Variants in NMT2 observed in about 807,000 individuals in gnomAD.
NMT2 encodes glycylpeptide N-tetradecanoyltransferase 2.
A neutral mutation model predicts 65.4 loss-of-function variants in NMT2; 35 were observed. The observed-to-expected ratio is 0.54, with a 90% CI of 0.41 to 0.71. The LOEUF (loss-of-function observed/expected upper bound fraction) is 0.71, where lower values mean the gene tolerates loss of function less well. Among genes scored for constraint, NMT2 ranks in the 30% least tolerant of loss-of-function variants. The pLI, the probability that NMT2 is intolerant of heterozygous loss-of-function variation, is 0.00. For missense variants in NMT2, 489 were observed against 611.3 expected (o/e 0.80, Z 2.11); for synonymous variants, 226 against 231.8 (o/e 0.98, Z 0.23).
intron 1 of NMT2, among the ~76,000 whole-genome samples, chr10:15,163,305 C>A (rs1196377324): frequency 2.0e-5 from 3 of 152,148 alleles, no homozygotes; most frequent in Non-Finnish European, 4.4e-5. Context: ...TGGAGTAGAA[C>A]TTGGTTCTGT....
chr10:15,135,247 A>G, intron 3 of NMT2, 27 bp downstream of exon 3: 1 of 1,612,488 alleles, frequency 6.2e-7, no homozygotes, highest in Non-Finnish European at 8.5e-7. Context: ...TTTGTGGGGA[A>G]AAAAAGAGAA....
At chr10:15,151,205 T>C (rs1394334168) in intron 1 of NMT2, among the ~76,000 whole-genome samples, 1 of 152,062 alleles carries the variant, frequency 6.6e-6, no homozygotes, top group African/African-American at 2.4e-5. Flanking sequence ...ATTACAGGCA[T>C]GCGCCACCAT....
At position 15,107,999 on chromosome 10, in the gene NMT2, A is replaced by G. The variant is rs1564553596; in HGVS notation, c.*1196T>C. On this transcript the variant is annotated 3_prime_UTR_variant, in exon 12 of 12. Transcript: ENST00000378165. ...AAATCAGCATAGAGGAGTATGTGCA[A>G]TTTTGCATAAGTAATAAAAACATTC... The G allele has an allele frequency of 1.0e-6, 1 of 985,680 alleles. No homozygotes were observed. Among genetic ancestry groups the G allele is most frequent in the Non-Finnish European group, 1.2e-6 (1 of 829,922 alleles). 61.1% of individuals were successfully genotyped at this position (985,680 alleles called of 1,614,324 possible). A position where few individuals can be genotyped will look rare whatever the true frequency, so the allele number is the denominator to read the frequency against.
At position 15,139,876 on chromosome 10, in the gene NMT2, T is replaced by C. The variant is rs1397955840; in HGVS notation, c.246+1546A>G. 7.3e-3 allele frequency: 471 copies of C among 64,102 alleles called. 7 individuals carry two copies. The highest frequency in any genetic ancestry group is 0.062 in the African/African-American group (440 of 7,062). 4.0% of individuals were successfully genotyped at this position (64,102 alleles called of 1,614,324 possible). A position where few individuals can be genotyped will look rare whatever the true frequency, so the allele number is the denominator to read the frequency against. ...TGGTAACAACTACTATATATATATA[T>C]ATATATATATATATATATATATATA... On this transcript the variant is annotated intron_variant, in intron 2 of 11. Transcript: ENST00000378165.
intron 8 of NMT2, among the ~76,000 whole-genome samples, chr10:15,119,972 C>G (rs1845870610): frequency 6.6e-6 from 1 of 152,204 alleles, no homozygotes; most frequent in Non-Finnish European, 1.5e-5. Flanking sequence ...TCCGTATCCA[C>G]TGGTTGTGCA....
chr10:15,125,707 G>T (rs538145322), intron 8 of NMT2, among the ~76,000 whole-genome samples: 9 of 152,152 alleles, frequency 5.9e-5, no homozygotes, highest in Admixed American at 4.6e-4. Flanking sequence ...TCGCTCTGTG[G>T]CCAGGCTGGA....
chr10:15,133,672 C>A (rs953809137), intron 3 of NMT2, among the ~76,000 whole-genome samples: 3 of 152,162 alleles, frequency 2.0e-5, no homozygotes, highest in Admixed American at 2.0e-4. Flanking sequence ...CTGAAGCCTT[C>A]AACTCCTGGG....
chr10:15,158,189 G>A (rs1440710631), intron 1 of NMT2, among the ~76,000 whole-genome samples: 1 of 151,892 alleles, frequency 6.6e-6, no homozygotes, highest in Non-Finnish European at 1.5e-5. Context: ...GGTGGCAGGC[G>A]CCTGTAATCC....
At chr10:15,168,464 C>T in intron 1 of NMT2, 39 bp downstream of exon 1, 1 of 1,501,874 alleles carries the variant, frequency 6.7e-7, no homozygotes. Context: ...GCGCGGTCCC[C>T]GCCCTGTCGC....
intron 1 of NMT2, among the ~76,000 whole-genome samples, chr10:15,145,553 T>C (rs1464033976): frequency 6.6e-6 from 1 of 152,148 alleles, no homozygotes; most frequent in Non-Finnish European, 1.5e-5. Flanking sequence ...CTAATTTTTA[T>C]ATTTTTAGTA....
intron 10 of NMT2, among the ~76,000 whole-genome samples, chr10:15,110,959 TTC>T (rs1255839992): frequency 2.0e-5 from 3 of 151,824 alleles, no homozygotes; most frequent in Non-Finnish European, 4.4e-5. Flanking sequence ...CCCAGCTAAT[TTC>T]TTTGTATTTT....
At chr10:15,132,174 C>T (rs150968323) in intron 6 of NMT2, among the ~76,000 whole-genome samples, 102 of 151,850 alleles carry the variant, frequency 6.7e-4, no homozygotes, top group African/African-American at 2.3e-3. Context: ...GCCAAGGCTT[C>T]GTTTTTTCTG....
chr10:15,111,637 C>G (rs1007587808), intron 10 of NMT2: 3 of 148,342 alleles, frequency 2.0e-5, no homozygotes, highest in African/African-American at 7.4e-5. Flanking sequence ...GACAATAATA[C>G]TATGCAAAAT....
At position 15,107,285 on chromosome 10, in the gene NMT2, G is replaced by T; in HGVS notation, c.*1910C>A. On this transcript the variant is annotated 3_prime_UTR_variant, in exon 12 of 12. Transcript: ENST00000378165. Reference sequence around the variant, plus strand: ...TAGCCTGTGGGCTACACAAAAATAAGCAATGGGCTGGATTTAGCCCACAGG... The same window carrying T: ...TAGCCTGTGGGCTACACAAAAATAATCAATGGGCTGGATTTAGCCCACAGG... The T allele has an allele frequency of 1.1e-6, 1 of 915,584 alleles. No individual in the cohort carries two copies. The highest frequency in any genetic ancestry group is 1.3e-6 in the Non-Finnish European group (1 of 766,350). The allele number at this position is 915,584 out of a possible 1,614,324, so 56.7% of individuals were successfully genotyped here. A position where few individuals can be genotyped will look rare whatever the true frequency, so the allele number is the denominator to read the frequency against.
At position 15,107,627 on chromosome 10, in the gene NMT2, G is replaced by T; in HGVS notation, c.*1568C>A. 1 of 471,906 alleles carries T rather than the reference G, an allele frequency of 2.1e-6. No individual in the cohort carries two copies. The highest frequency in any genetic ancestry group is 2.8e-6 in the Non-Finnish European group (1 of 361,372). The allele number at this position is 471,906 out of a possible 1,614,324, so 29.2% of individuals were successfully genotyped here. ...CCACCACACCCAGCTAGTTCTTTTT[G>T]AATTTTTAGTAGAGATGGGGTTTCA... is the stretch of plus-strand genomic sequence containing the variant. On this transcript the variant is annotated 3_prime_UTR_variant, in exon 12 of 12. Transcript: ENST00000378165.
At chr10:15,153,736 G>A (rs1214898240) in intron 1 of NMT2, among the ~76,000 whole-genome samples, 1 of 151,672 alleles carries the variant, frequency 6.6e-6, no homozygotes, top group African/African-American at 2.4e-5. Flanking sequence ...TGCAAGCTCC[G>A]CCTCCCAGGT....
At chr10:15,126,326 G>T (rs1846072896) in intron 8 of NMT2, among the ~76,000 whole-genome samples, 1 of 151,926 alleles carries the variant, frequency 6.6e-6, no homozygotes, top group Non-Finnish European at 1.5e-5. Flanking sequence ...CTACTTGGGA[G>T]GCTGAGGCAG....
intron 1 of NMT2, 25 bp downstream of exon 1, chr10:15,168,478 C>G (rs1231671699): frequency 2.6e-6 from 4 of 1,550,646 alleles, no homozygotes; most frequent in African/African-American, 1.4e-5. Context: ...CTGTCGCGCC[C>G]GGTGCGCCAG....
intron 1 of NMT2, among the ~76,000 whole-genome samples, chr10:15,146,052 T>G (rs934820896): frequency 6.6e-6 from 1 of 152,190 alleles, no homozygotes; most frequent in Non-Finnish European, 1.5e-5. Flanking sequence ...CAGCCCTGCA[T>G]ATCATGTGGC....
Sources: allele counts gnomAD v4.1 joint callset (sites outside exome capture counted in the v4.1 genomes callset), GRCh38; gene constraint gnomAD v4.1.1; transcripts MANE v1.5; gene names NCBI Gene and HGNC (gene_info 2026-07-23, HGNC 2026-07-21).